Variants in COBLL1 observed in about 807,000 individuals in gnomAD.
COBLL1 encodes the protein cordon-bleu protein-like 1.
Under a neutral mutation model 94.8 loss-of-function variants are expected in COBLL1, and 50 were observed. The ratio of observed to expected loss-of-function variants is 0.53; its 90% CI spans 0.42 to 0.67. The LOEUF (loss-of-function observed/expected upper bound fraction) is 0.67. Among genes scored for constraint, COBLL1 ranks in the 30% least tolerant of loss-of-function variants. The probability of loss-of-function intolerance (pLI) is 0.00; values close to 1 mark genes in which losing one functional copy is unlikely to be tolerated. For missense variants in COBLL1, 1,362 were observed against 1,348.7 expected, an observed-to-expected ratio of 1.01 and a Z score of -0.15; for synonymous variants, 448 against 473.8, an observed-to-expected ratio of 0.95 and a Z score of 0.71.
Position 164,695,619 on chromosome 2 carries a change from C to A in COBLL1, c.1773G>T (p.Leu591=). Residue 591 remains leucine, a synonymous_variant, in exon 12 of 14, where the codon CTG becomes CTT. Coordinates refer to ENST00000652658, the MANE Select transcript of COBLL1 (RefSeq NM_001365672.2). ...TTGTCTTTTCTGCACTGGGTTGATT[C>A]AGTTTTTGATCTGGTACTGATGAAG... The part of the protein sequence containing the change: ...LAASSVPDQK[L]NQPSAEKTKD... The A allele has an allele frequency of 6.2e-7, 1 of 1,613,862 alleles. No homozygotes were observed. Among genetic ancestry groups the A allele is most frequent in the Non-Finnish European group, 8.5e-7 (1 of 1,179,894 alleles).
intron 9 of COBLL1, 77 bp from the exon 10 acceptor site, chr2:164,700,833 T>C: frequency 2.3e-6 from 2 of 868,424 alleles, no homozygotes; most frequent in Non-Finnish European, 3.7e-6. Context: ...AGGAAGGAAT[T>C]TTGAAAAATA....
At chr2:164,834,052 T>C (rs1370202352) in intron 2 of COBLL1, among the ~76,000 whole-genome samples, 1 of 152,172 alleles carries the variant, frequency 6.6e-6, no homozygotes, top group African/African-American at 2.4e-5. Context: ...TTGTTTTTAC[T>C]GTAGCAGATG....
intron 3 of COBLL1, among the ~76,000 whole-genome samples, chr2:164,737,616 A>T (rs1156843329): frequency 6.6e-6 from 1 of 152,132 alleles, no homozygotes; most frequent in Non-Finnish European, 1.5e-5. Flanking sequence ...ACCCTGCTAT[A>T]AACATATATT....
chr2:164,800,515 T>C (rs1354382958), intron 2 of COBLL1: 2 of 701,464 alleles, frequency 2.9e-6, no homozygotes, highest in Admixed American at 2.0e-5. Flanking sequence ...TAGAAGTTTC[T>C]TATTAAATAT....
chr2:164,817,075 C>A (rs1320701797), intron 2 of COBLL1, among the ~76,000 whole-genome samples: 3 of 152,092 alleles, frequency 2.0e-5, no homozygotes. Context: ...ATGCAAATAT[C>A]CATAGGCTCA....
chr2:164,820,383 C>A (rs1362227209), intron 2 of COBLL1, among the ~76,000 whole-genome samples: 1 of 151,358 alleles, frequency 6.6e-6, no homozygotes, highest in African/African-American at 2.4e-5. Context: ...CCACACCTGG[C>A]TAATTTTCTG....
intron 7 of COBLL1, among the ~76,000 whole-genome samples, chr2:164,711,347 G>A (rs1418013495): frequency 1.3e-5 from 2 of 152,198 alleles, no homozygotes; most frequent in East Asian, 1.9e-4. Flanking sequence ...AGATGTTGGA[G>A]TAAAAAGCAT....
intron 11 of COBLL1, chr2:164,697,282 A>G (rs2105436705): frequency 6.6e-6 from 1 of 152,266 alleles, no homozygotes; most frequent in East Asian, 1.9e-4. Flanking sequence ...GCAACTGAGT[A>G]TCAGAATACG....
chr2:164,703,000 A>T (rs1684388857), intron 9 of COBLL1: 1 of 654,998 alleles, frequency 1.5e-6, no homozygotes, highest in Non-Finnish European at 2.6e-6. Context: ...CTTTCTTTAT[A>T]AAATATGTTT....
intron 5 of COBLL1, among the ~76,000 whole-genome samples, chr2:164,726,329 A>G (rs12692742): frequency 0.19 from 28,287 of 151,996 alleles, 3,245 homozygotes; most frequent in African/African-American, 0.32. Context: ...TAATATATGC[A>G]GTTTGTTAAG....
chr2:164,799,729 G>T (rs1683664260), intron 2 of COBLL1, among the ~76,000 whole-genome samples: 1 of 152,192 alleles, frequency 6.6e-6, no homozygotes, highest in African/African-American at 2.4e-5. Context: ...TCAAAACAAT[G>T]TGGTATTGAC....
In COBLL1 at chr2:164,704,448, G is replaced by T. The variant is rs1233140567; in HGVS notation, c.1221C>A (p.Ser407Arg). 2.5e-6 allele frequency: 4 copies of T among 1,605,398 alleles called. No homozygotes were observed. The East Asian group carries it at 8.9e-5, about 36-fold the overall frequency. ...SEANSPEELS[S>R]PAGISSDYSL... The stretch of plus-strand genomic sequence containing the variant: ...TGTAGAATAAGGGTGTCATACCTGG[G>T]CTGGATAGCTCCTCAGGAGAGTTTG... The change falls in exon 9 of 14, where the codon AGC becomes AGA. Residue 407 changes from serine (S) to arginine (R), a missense_variant. Physicochemically the swap from Ser to Arg is moderately radical, Grantham distance 110 (BLOSUM62 -1). Coordinates refer to ENST00000652658, the MANE Select transcript of COBLL1 (RefSeq NM_001365672.2).
At chr2:164,676,808 TA>T (rs1180114133), downstream of COBLL1, among the ~76,000 whole-genome samples, 1 of 152,198 alleles carries the variant, frequency 6.6e-6, no homozygotes, top group Non-Finnish European at 1.5e-5. Context: ...ATTTTATGAT[TA>T]TGTCACCTTT....
intron 5 of COBLL1, among the ~76,000 whole-genome samples, chr2:164,725,268 T>C (rs1424474709): frequency 6.6e-6 from 1 of 151,818 alleles, no homozygotes; most frequent in East Asian, 1.9e-4. Flanking sequence ...AGATTATTTA[T>C]ATTTGTATTA....
intron 2 of COBLL1, among the ~76,000 whole-genome samples, chr2:164,807,943 C>T (rs1684261315): frequency 6.6e-6 from 1 of 152,050 alleles, no homozygotes; most frequent in East Asian, 1.9e-4. Context: ...CCTCAGTCCC[C>T]CGAGTAGCTG....
rs370808474 is a variant in COBLL1 at position 164,730,317 on chromosome 2, C to T, written c.231-202G>A. ...CCAGCCTGGGCAACATGGCAAGACC[C>T]TGTATCTACAAAAAATAAAAAAAAA... On this transcript the variant is annotated intron_variant, in intron 3 of 13. Transcript: ENST00000652658. Among the ~76,000 whole-genome samples the T allele has an allele frequency of 1.4e-4, 20 of 145,412 alleles. No homozygotes were observed. The South Asian group carries it at 4.4e-3, about 32-fold the overall frequency.
intron 3 of COBLL1, among the ~76,000 whole-genome samples, chr2:164,740,730 A>T (rs1385475712): frequency 6.6e-6 from 1 of 152,246 alleles, no homozygotes; most frequent in Non-Finnish European, 1.5e-5. Context: ...ACATTGCAGC[A>T]TAGAACAATA....
chr2:164,738,469 T>C (rs921936931), intron 3 of COBLL1, among the ~76,000 whole-genome samples: 1 of 152,186 alleles, frequency 6.6e-6, no homozygotes, highest in Admixed American at 6.5e-5. Context: ...TCACTTTCAT[T>C]AAAAATTAAC....
At chr2:164,765,917 A>T (rs1370271997) in intron 2 of COBLL1, among the ~76,000 whole-genome samples, 1 of 140,334 alleles carries the variant, frequency 7.1e-6, no homozygotes, top group Non-Finnish European at 1.5e-5. Context: ...ATAAGCCAAG[A>T]TCATAATTTT....
Sources: gnomAD v4.1 joint callset for allele counts (sites outside exome capture counted in the v4.1 genomes callset) on GRCh38, gnomAD v4.1.1 for gene constraint, MANE v1.5 for transcripts, NCBI Gene and HGNC (gene_info 2026-07-23, HGNC 2026-07-21) for gene names.